TTN: variants seen among roughly 807,000 people sequenced by gnomAD.
The protein encoded by TTN is connectin.
In TTN, 1,525 loss-of-function variants were observed where a neutral mutation model predicts 3,223.0. The ratio of observed to expected loss-of-function variants is 0.47; its 90% CI spans 0.45 to 0.49. TTN has a LOEUF of 0.49. Among genes scored for constraint, TTN ranks in the 20% least tolerant of loss-of-function variants. The pLI is 0.00. For missense variants in TTN, 40,786 were observed against 43,424.0 expected, an observed-to-expected ratio of 0.94 and a Z score of 5.40; for synonymous variants, 14,094 against 15,161.0, an observed-to-expected ratio of 0.93 and a Z score of 5.17.
rs1708418492 is a variant in TTN at position 178,572,099 on chromosome 2, C to T, written c.74033G>A (p.Gly24678Glu). 1.2e-6 allele frequency: 2 copies of T among 1,613,208 alleles called. No homozygotes were observed. Among genetic ancestry groups the T allele is most frequent in the East Asian group, 4.5e-5 (2 of 44,682 alleles). The change falls in exon 326 of 363, where the codon GGA becomes GAA. Residue 24678 changes from glycine to glutamate, a missense_variant. Coordinates refer to ENST00000589042, the MANE Select transcript of TTN (RefSeq NM_001267550.2). Reference protein sequence around the residue: ...TVKVTEATITGLIQGEEYSFR... With the variant: ...TVKVTEATITELIQGEEYSFR... The stretch of plus-strand genomic sequence containing the variant: ...AGAGTATTCTTCACCCTGAATTAAT[C>T]CAGTGATAGTGGCTTCAGTGACCTT...
intron 215 of TTN, among the ~76,000 whole-genome samples, chr2:178,646,796 C>T (rs542385067): frequency 6.6e-6 from 1 of 151,738 alleles, no homozygotes; most frequent in African/African-American, 2.4e-5. Context: ...AATTTGATAC[C>T]GTGTTATCAT....
Position 178,532,959 on chromosome 2 carries a change from G to A in TTN, c.103656C>T (p.Thr34552=), listed in dbSNP as rs566269792. 1 of 1,613,870 alleles carries A rather than the reference G, an allele frequency of 6.2e-7. No homozygotes were observed. Among genetic ancestry groups the A allele is most frequent in the Non-Finnish European group, 8.5e-7 (1 of 1,179,848 alleles). Residue 34552 remains threonine, a synonymous_variant, in exon 358 of 363, where the codon ACC becomes ACT. Transcript: ENST00000589042. The part of the protein sequence containing the change: ...VPEPRKYKQT[T]IEEDQRIKQF... ...GCTTGATGCGTTGGTCTTCTTCTAT[G>A]GTAGTCTGCTTATACTTGCGTGGCT... is the stretch of plus-strand genomic sequence containing the variant.
chr2:178,577,152 C>T lies in TTN; in HGVS notation c.69183G>A (p.Trp23061Ter). The T allele has an allele frequency of 6.2e-7, 1 of 1,612,986 alleles. No individual in the cohort carries two copies. The highest frequency in any genetic ancestry group is 1.1e-5 in the South Asian group (1 of 91,026). Residue 23061 changes from tryptophan to a stop codon, truncating the protein, a stop_gained, in exon 324 of 363, where the codon TGG (tryptophan) becomes TGA (stop). Transcript: ENST00000589042. LOFTEE classifies it high-confidence loss of function. ...NVSAEKATLT[W>*]TPPLEDGGSP... is the part of the protein sequence containing the mutation. ...AGCCGCCATCTTCCAAGGGAGGTGT[C>T]CATGTAAGTGTTGCTTTTTCAGCAG...
rs1486007034 is a variant in TTN at position 178,576,784 on chromosome 2, T to C, written c.69460A>G (p.Asn23154Asp). 2 of 1,613,300 alleles carry C rather than the reference T, an allele frequency of 1.2e-6. No individual in the cohort carries two copies. Among genetic ancestry groups the C allele is most frequent in the Non-Finnish European group, 1.7e-6 (2 of 1,179,610 alleles). Residue 23154 changes from asparagine to aspartate, a missense_variant, in exon 325 of 363, where the codon AAC becomes GAC. Physicochemically the swap from Asn to Asp is conservative, Grantham distance 23. Coordinates refer to ENST00000589042, the MANE Select transcript of TTN (RefSeq NM_001267550.2). The surrounding 1 kb of genome is among the most constrained non-coding windows in gnomAD (Gnocchi z 4.3). The stretch of plus-strand genomic sequence containing the variant: ...CTTTTCCAGCTGACAGTGGCAGTGT[T>C]CTTAGTGACATTTGATACCTCTGGT... ...EKPEVSNVTK[N>D]TATVSWKRPV...
intron 7 of TTN, 92 bp from the exon 8 acceptor site, chr2:178,794,643 C>A: frequency 6.9e-7 from 1 of 1,452,102 alleles, no homozygotes; most frequent in Non-Finnish European, 9.6e-7. Context: ...CCACCTAGAG[C>A]AAAATACACT....
In TTN at chr2:178,573,788, A is replaced by C. The variant is rs1709094367; in HGVS notation, c.72344T>G (p.Phe24115Cys). The C allele has an allele frequency of 1.2e-6, 2 of 1,609,824 alleles. No individual in the cohort carries two copies. Among genetic ancestry groups the C allele is most frequent in the African/African-American group, 1.3e-5 (1 of 74,752 alleles). Residue 24115 changes from phenylalanine to cysteine, a missense_variant, in exon 326 of 363, where the codon TTC (phenylalanine) becomes TGC (cysteine). Transcript: ENST00000589042. ...TNPGGFAKHIFNVKVLDRPGP... is the reference protein window; with the variant it reads ...TNPGGFAKHICNVKVLDRPGP... ...TGGTCTGTCAAGAACTTTGACATTG[A>C]AAATGTGTTTAGCAAAGCCACCAGG...
At position 178,671,106 on chromosome 2, in the gene TTN, T is replaced by C. The variant is rs750096348; in HGVS notation, c.35292A>G (p.Lys11764=). 6 of 1,606,358 alleles carry C rather than the reference T, an allele frequency of 3.7e-6. No individual in the cohort carries two copies. Among genetic ancestry groups the C allele is most frequent in the South Asian group, 3.3e-5 (3 of 89,630 alleles). The part of the protein sequence containing the change: ...KKPPTKVVPR[K]EPPAKVPEVP... The stretch of plus-strand genomic sequence containing the variant: ...AGAAGATACCTTTAGCTGGTGGCTC[T>C]TTTCGAGGAACAACTTTAGTGGGCG... The change falls in exon 156 of 363, where the codon AAA becomes AAG. Residue 11764 remains lysine (K), a synonymous_variant. Coordinates refer to ENST00000589042, the MANE Select transcript of TTN (RefSeq NM_001267550.2).
Position 178,777,255 on chromosome 2 carries a change from C to T in TTN, c.4708G>A (p.Gly1570Ser), listed in dbSNP as rs1405416253. The stretch of plus-strand genomic sequence containing the variant: ...CTGACTTTCATTTCAAGTCGGGAAC[C>T]TTCCTTTATATTGACATTTTTCAGT... ...EKLKNVNIKE[G>S]SRLEMKVRAT... The change falls in exon 27 of 363, where the codon GGT (glycine) becomes AGT (serine). Residue 1570 changes from glycine (G) to serine (S), a missense_variant. By Grantham distance (56) the Gly-to-Ser change is moderately conservative. Coordinates refer to ENST00000589042, the MANE Select transcript of TTN (RefSeq NM_001267550.2). 6.2e-7 allele frequency: 1 copy of T among 1,614,074 alleles called. No homozygotes were observed. Among genetic ancestry groups the T allele is most frequent in the Admixed American group, 1.7e-5 (1 of 60,010 alleles).
chr2:178,558,111 A>G lies in TTN; in HGVS notation c.87243T>C (p.Asp29081=), dbSNP rs775424538. The G allele has an allele frequency of 7.4e-6, 12 of 1,613,914 alleles. No homozygotes were observed. Among genetic ancestry groups the G allele is most frequent in the South Asian group, 1.1e-5 (1 of 91,070 alleles). The change falls in exon 328 of 363, where the codon GAT becomes GAC. Residue 29081 remains aspartate (D), a synonymous_variant. Coordinates refer to ENST00000589042, the MANE Select transcript of TTN (RefSeq NM_001267550.2). ...TCATGGTTGCCTTAAGGGGGACACC[A>G]TCTCTTGATAAGGTCACTTTGGGAA... ...KPLPKVTLSR[D]GVPLKATMRF...
intron 6 of TTN, among the ~76,000 whole-genome samples, chr2:178,796,888 A>C (rs934425237): frequency 2.6e-5 from 4 of 152,180 alleles, no homozygotes; most frequent in Non-Finnish European, 1.5e-5. Context: ...GATACAATGC[A>C]CCTTATTCAA....
Position 178,786,135 on chromosome 2 carries a change from C to A in TTN, c.2083G>T (p.Val695Phe), listed in dbSNP as rs747479318. ...GCTACAGCTTCAGCCTTTTTTCCAA[C>A]GTCCACCTGGAGACAAGGTTTCCAG... ...QIQVTHGKVD[V>F]GKKAEAVATV... Residue 695 changes from valine to phenylalanine, a missense_variant, in exon 14 of 363, where the codon GTT (valine) becomes TTT (phenylalanine). Val to Phe is a conservative substitution (Grantham distance 50). Transcript: ENST00000589042. 8.1e-6 allele frequency: 13 copies of A among 1,613,634 alleles called. No homozygotes were observed. In the African/African-American group the frequency reaches 9.3e-5, roughly 12 times the overall value.
chr2:178,642,268 A>G lies in TTN; in HGVS notation c.40527T>C (p.Pro13509=), dbSNP rs1169081901. The G allele has an allele frequency of 1.3e-6, 2 of 1,596,072 alleles. No individual in the cohort carries two copies. The highest frequency in any genetic ancestry group is 4.5e-5 in the East Asian group (2 of 44,182). ...TCAGAACAACTTCTTCCTTTGGTTC[A>G]GGTTTACGTTCCGGAAGTAATTTGC... is the stretch of plus-strand genomic sequence containing the variant. ...KVRKLLPERK[P]EPKEEVVLKS... Residue 13509 remains proline, a synonymous_variant, in exon 219 of 363, where the codon CCT becomes CCC. Transcript: ENST00000589042.
In TTN at chr2:178,728,537, G is replaced by T. The variant is rs267599062; in HGVS notation, c.19389C>A (p.Phe6463Leu). 18 of 1,612,310 alleles carry T rather than the reference G, an allele frequency of 1.1e-5. No individual in the cohort carries two copies. The highest frequency in any genetic ancestry group is 1.4e-5 in the Non-Finnish European group (17 of 1,178,936). ...AGTAGGCATCACAGCTACTGCTTCC[G>T]AAGTCATTTTCCACCTTGAAAGTGT... is the stretch of plus-strand genomic sequence containing the variant. ...GQYTFKVENDFGSSSCDAYLR... is the reference protein window; with the variant it reads ...GQYTFKVENDLGSSSCDAYLR... The change falls in exon 66 of 363, where the codon TTC (phenylalanine) becomes TTA (leucine). Residue 6463 changes from phenylalanine to leucine, a missense_variant. Transcript: ENST00000589042.
In TTN at chr2:178,621,753, G is replaced by A. The variant is rs377143579; in HGVS notation, c.45083-12C>T. ...GACAGCTTCTTCTTCTGCAAGCATT[G>A]AAAAAACAAAAACCACATTGAGTTA... On this transcript the variant is annotated splice_polypyrimidine_tract_variant and intron_variant, in intron 244 of 362. Transcript: ENST00000589042. 8.1e-6 allele frequency: 13 copies of A among 1,606,044 alleles called. No homozygotes were observed. In the African/African-American group the frequency reaches 1.6e-4, roughly 20 times the overall value.
chr2:178,726,092 C>CA (rs911415824), intron 69 of TTN, 46 bp from the exon 70 acceptor site: 12 of 1,483,396 alleles, frequency 8.1e-6, no homozygotes, highest in Non-Finnish European at 8.9e-6. Context: ...CTGAATTTCA[C>CA]AAAATGAAAA....
At chr2:178,648,369 A>C (rs1259030403) in intron 213 of TTN, among the ~76,000 whole-genome samples, 1 of 151,940 alleles carries the variant, frequency 6.6e-6, no homozygotes, top group Non-Finnish European at 1.5e-5. Context: ...GTGCCTTTCA[A>C]TATGCTCTTC....
At chr2:178,649,731 A>G (rs2062618075) in intron 211 of TTN, 86 bp downstream of exon 211, 2 of 1,553,450 alleles carry the variant, frequency 1.3e-6, no homozygotes, top group Non-Finnish European at 1.8e-6. Flanking sequence ...AGAGTTAACA[A>G]ACATATAATA....
Position 178,639,776 on chromosome 2 carries a change from A to T in TTN, c.40799T>A (p.Ile13600Asn). The change falls in exon 223 of 363, where the codon ATC becomes AAC. Residue 13600 changes from isoleucine to asparagine, a missense_variant. Coordinates refer to ENST00000589042, the MANE Select transcript of TTN (RefSeq NM_001267550.2). ...TTCAGGTTCCACAGGAGGTGGTTTG[A>T]TTGTTTTCACTTCTGTAGAGAGAAG... is the stretch of plus-strand genomic sequence containing the variant. The part of the protein sequence containing the change: ...KPKPEAEVKT[I>N]KPPPVEPEPT... The T allele has an allele frequency of 6.3e-7, 1 of 1,595,922 alleles. No homozygotes were observed. Among genetic ancestry groups the T allele is most frequent in the Non-Finnish European group, 8.5e-7 (1 of 1,173,176 alleles).
chr2:178,675,578 A>C (rs2067897157), intron 149 of TTN, 93 bp downstream of exon 149: 1 of 985,328 alleles, frequency 1.0e-6, no homozygotes, highest in Non-Finnish European at 1.4e-6. Flanking sequence ...GACAGACCAT[A>C]CAATGCACAC....
Sources: gnomAD v4.1 joint callset for allele counts (sites outside exome capture counted in the v4.1 genomes callset) on GRCh38, gnomAD v4.1.1 for gene constraint, Gnocchi (gnomAD v3.1) non-coding constraint, MANE v1.5 for transcripts, NCBI Gene and HGNC (gene_info 2026-07-23, HGNC 2026-07-21) for gene names.